Variants in CDKAL1 observed in about 807,000 individuals in gnomAD.
The protein encoded by CDKAL1 is threonylcarbamoyladenosine tRNA methylthiotransferase.
CDKAL1 carries 32 observed loss-of-function variants against 68.2 expected under a neutral mutation model. That is an observed-to-expected ratio of 0.47 (90% confidence interval 0.35 to 0.63). The LOEUF is 0.63. CDKAL1 is among the 30% of genes least tolerant of loss of function. CDKAL1 has a pLI of 0.00. For missense variants in CDKAL1, 606 were observed against 696.7 expected (o/e 0.87, Z 1.47); for synonymous variants, 234 against 244.3 (o/e 0.96, Z 0.39).
chr6:20,576,855 A>C (rs1028888496), intron 4 of CDKAL1, among the ~76,000 whole-genome samples: 1 of 152,208 alleles, frequency 6.6e-6, no homozygotes, highest in African/African-American at 2.4e-5. Context: ...CAGTGGTCAG[A>C]ATGAATGGAA....
intron 2 of CDKAL1, among the ~76,000 whole-genome samples, chr6:20,537,470 G>C (rs1252259542): frequency 1.3e-5 from 2 of 152,122 alleles, no homozygotes; most frequent in African/African-American, 4.8e-5. Flanking sequence ...GCTGGGCGTG[G>C]TGGCAGGTGC....
At chr6:21,130,439 G>A (rs540427400) in intron 13 of CDKAL1, among the ~76,000 whole-genome samples, 2 of 152,182 alleles carry the variant, frequency 1.3e-5, no homozygotes, top group African/African-American at 2.4e-5. Flanking sequence ...TGGCCAGGCT[G>A]GTCTCAAACT....
intron 8 of CDKAL1, among the ~76,000 whole-genome samples, chr6:20,798,210 G>T (rs1776196571): frequency 6.6e-6 from 1 of 152,108 alleles, no homozygotes; most frequent in South Asian, 2.1e-4. Context: ...ATTGGGAGGT[G>T]AGGAGGGCAG....
chr6:20,857,011 A>G (rs1460610996), intron 9 of CDKAL1, among the ~76,000 whole-genome samples: 1 of 152,196 alleles, frequency 6.6e-6, no homozygotes, highest in Non-Finnish European at 1.5e-5. Flanking sequence ...TGCAGTAAAC[A>G]TACTTGCACA....
intron 13 of CDKAL1, 138 bp downstream of exon 13, chr6:21,108,601 A>T (rs1773968587): frequency 3.7e-6 from 2 of 543,698 alleles, no homozygotes; most frequent in African/African-American, 2.0e-5. Flanking sequence ...TTAGCTCTTT[A>T]TCCCTTTTAA....
chr6:21,189,692 G>C (rs35898446), intron 13 of CDKAL1, among the ~76,000 whole-genome samples: 18,477 of 152,158 alleles, frequency 0.12, 1,322 homozygotes, highest in Non-Finnish European at 0.16. Flanking sequence ...ACATTCTTGT[G>C]TCATGGCCCT....
chr6:20,626,165 C>T (rs1158026021), intron 4 of CDKAL1, among the ~76,000 whole-genome samples: 5 of 152,120 alleles, frequency 3.3e-5, no homozygotes. Flanking sequence ...TTCAGAAGCC[C>T]TCTTCCTTTA....
chr6:20,865,488 C>T (rs371743118), intron 9 of CDKAL1, among the ~76,000 whole-genome samples: 5 of 152,120 alleles, frequency 3.3e-5, no homozygotes, highest in South Asian at 4.1e-4. Context: ...AAATCAGAGC[C>T]AAGCAAAACT....
At chr6:20,678,319 A>G (rs1382689285) in intron 5 of CDKAL1, among the ~76,000 whole-genome samples, 1 of 152,156 alleles carries the variant, frequency 6.6e-6, no homozygotes, top group African/African-American at 2.4e-5. Context: ...TTTTCTTTTC[A>G]TATTTATTCA....
At chr6:21,145,615 T>C (rs1335405615) in intron 13 of CDKAL1, among the ~76,000 whole-genome samples, 4 of 152,252 alleles carry the variant, frequency 2.6e-5, no homozygotes, top group Non-Finnish European at 5.9e-5. Flanking sequence ...AATAGAGTGA[T>C]ATCAAGTAAT....
chr6:20,655,382 T>C (rs1411262929), intron 5 of CDKAL1, among the ~76,000 whole-genome samples: 1 of 152,090 alleles, frequency 6.6e-6, no homozygotes, highest in Non-Finnish European at 1.5e-5. Flanking sequence ...GTGTTCAGAA[T>C]TGGAAGGAAT....
At chr6:21,010,675 G>A (rs1036612431) in intron 11 of CDKAL1, among the ~76,000 whole-genome samples, 5 of 152,110 alleles carry the variant, frequency 3.3e-5, no homozygotes, top group East Asian at 3.8e-4. Context: ...TGTTCTAGTC[G>A]ACTTTGCAGT....
At chr6:20,772,520 C>T (rs921951201) in intron 7 of CDKAL1, among the ~76,000 whole-genome samples, 3 of 152,134 alleles carry the variant, frequency 2.0e-5, no homozygotes. Flanking sequence ...CTGTAATTTG[C>T]CCCAGAAGGT....
intron 5 of CDKAL1, among the ~76,000 whole-genome samples, chr6:20,689,599 T>A (rs576997582): frequency 1.3e-5 from 2 of 152,330 alleles, no homozygotes; most frequent in East Asian, 1.9e-4. Context: ...CCCACAACCA[T>A]TTTTAGGGGC....
chr6:20,792,579 C>T (rs1050293996), intron 8 of CDKAL1, among the ~76,000 whole-genome samples: 1 of 152,124 alleles, frequency 6.6e-6, no homozygotes, highest in East Asian at 1.9e-4. Context: ...TCTCCTGTCT[C>T]TGTTATTTTT....
chr6:21,150,059 AT>A (rs1163304453), intron 13 of CDKAL1, among the ~76,000 whole-genome samples: 1 of 151,536 alleles, frequency 6.6e-6, no homozygotes, highest in Non-Finnish European at 1.5e-5. Context: ...GGGTTTCACC[AT>A]TGTTAGCCAG....
At chr6:20,800,541 T>C (rs1776324216) in intron 8 of CDKAL1, 1 of 152,218 alleles carries the variant, frequency 6.6e-6, no homozygotes, top group Non-Finnish European at 1.5e-5. Context: ...TATATATGTA[T>C]GAAACACTTC....
intron 13 of CDKAL1, among the ~76,000 whole-genome samples, chr6:21,124,823 T>C (rs1774910351): frequency 6.6e-6 from 1 of 152,008 alleles, no homozygotes; most frequent in Admixed American, 6.5e-5. Flanking sequence ...TGGGGATACT[T>C]ATAAAATGCC....
chr6:20,668,503 A>G (rs888175609), intron 5 of CDKAL1, among the ~76,000 whole-genome samples: 2 of 152,140 alleles, frequency 1.3e-5, no homozygotes, highest in African/African-American at 4.8e-5. Flanking sequence ...GCTTATAAAC[A>G]TGTTTTGACT....
Sources: allele counts gnomAD v4.1 joint callset (sites outside exome capture counted in the v4.1 genomes callset), GRCh38; gene constraint gnomAD v4.1.1; transcripts MANE v1.5; gene names NCBI Gene and HGNC (gene_info 2026-07-23, HGNC 2026-07-21).